The following NLRP1 variants were observed in gnomAD, a reference collection of about 807,000 sequenced individuals.
The protein encoded by NLRP1 is NACHT, LRR and PYD domains-containing protein 1.
NLRP1 carries 94 observed loss-of-function variants against 136.7 expected under a neutral mutation model. That is an observed-to-expected ratio of 0.69 (90% confidence interval 0.58 to 0.82). The LOEUF is 0.82. Ranked by LOEUF, NLRP1 falls within the 40% of genes least tolerant of loss-of-function variation. NLRP1 has a pLI of 0.00. For missense variants in NLRP1, 1,575 were observed against 1,802.7 expected, an observed-to-expected ratio of 0.87 and a Z score of 2.29; for synonymous variants, 690 against 725.1, an observed-to-expected ratio of 0.95 and a Z score of 0.78.
exon 16 of NLRP1, chr17:5,501,787 A>G: frequency 6.2e-7 from 1 of 1,606,898 alleles, no homozygotes; most frequent in African/African-American, 1.3e-5. Context: ...CTCTGGCTTC[A>G]TTGGTACTGC....
Position 5,521,524 on chromosome 17 carries a change from C to T in NLRP1, c.3783G>A (p.Lys1261=). ...CAGCCTTTCTGGCTCTTAGTGTCAC[C>T]TTCCGAATGGAGCAGTCACTTGGGA... The part of the protein sequence containing the change: ...YLIPSDCSIR[K]AIDDLEMKFQ... Residue 1261 remains lysine, a splice_region_variant and synonymous_variant, in exon 13 of 17, where the codon AAG becomes AAA. Coordinates refer to ENST00000572272, the MANE Select transcript of NLRP1 (RefSeq NM_033004.4). 1.2e-6 allele frequency: 2 copies of T among 1,612,306 alleles called. No homozygotes were observed. Among genetic ancestry groups the T allele is most frequent in the Non-Finnish European group, 1.7e-6 (2 of 1,178,944 alleles).
intron 7 of NLRP1, among the ~76,000 whole-genome samples, chr17:5,538,285 G>A (rs1241606431): frequency 6.6e-6 from 1 of 152,146 alleles, no homozygotes; most frequent in African/African-American, 2.4e-5. Context: ...CCTCGGGGAA[G>A]GGCAAGAATC....
chr17:5,533,088 A>C, intron 10 of NLRP1, 104 bp from the exon 11 acceptor site: 1 of 1,434,382 alleles, frequency 7.0e-7, no homozygotes, highest in Non-Finnish European at 9.3e-7. Flanking sequence ...GCCTGCCTGG[A>C]CCATGGCAGG....
intron 15 of NLRP1, chr17:5,502,516 C>A (rs72827616): frequency 0.012 from 1,808 of 153,844 alleles, 15 homozygotes; most frequent in Non-Finnish European, 0.019. Flanking sequence ...TTTTGAACTT[C>A]CTGACCTCAA....
intron 15 of NLRP1, among the ~76,000 whole-genome samples, chr17:5,507,334 T>C (rs1358415499): frequency 6.6e-6 from 1 of 152,156 alleles, no homozygotes. Context: ...TTAAATTAAA[T>C]TAAATTAAAG....
chr17:5,581,289 C>T (rs553586348), intron 3 of NLRP1, among the ~76,000 whole-genome samples: 85 of 152,288 alleles, frequency 5.6e-4, no homozygotes, highest in Non-Finnish European at 1.1e-3. Flanking sequence ...TGGATTGCTG[C>T]GTGAGAGAGA....
At chr17:5,530,384 A>C (rs757358960) in intron 12 of NLRP1, 97 bp downstream of exon 12, 29 of 1,123,718 alleles carry the variant, frequency 2.6e-5, no homozygotes, top group Non-Finnish European at 3.8e-5. Flanking sequence ...CCCTCTAAGG[A>C]AGCCACAACA....
chr17:5,550,749 T>C (rs1461544192), intron 5 of NLRP1, among the ~76,000 whole-genome samples: 1 of 152,178 alleles, frequency 6.6e-6, no homozygotes, highest in Non-Finnish European at 1.5e-5. Flanking sequence ...TTGTTTGCTT[T>C]TTAAAAAAAT....
intron 2 of NLRP1, among the ~76,000 whole-genome samples, 178 bp downstream of exon 2, chr17:5,582,492 G>T (rs1262319801): frequency 1.3e-5 from 2 of 152,148 alleles, no homozygotes; most frequent in Middle Eastern, 3.2e-3. Flanking sequence ...CTCAGCACCG[G>T]AAGGTCCCTG....
Position 5,581,940 on chromosome 17 carries a change from G to A in NLRP1, c.571C>T (p.Gln191Ter). Reference sequence around the variant, plus strand: ...TGCTCTCTGGGTGCTAGGCTGGGCTGAGGTGGGGATCCCCAGCTCCCCAGC... The same window carrying A: ...TGCTCTCTGGGTGCTAGGCTGGGCTAAGGTGGGGATCCCCAGCTCCCCAGC... ...AVLGSWGSPP[Q>*]PSLAPREQEA... The change falls in exon 3 of 17, where the codon CAG becomes TAG. Residue 191 changes from glutamine (Q) to a stop codon, truncating the protein, a stop_gained. Coordinates refer to ENST00000572272, the MANE Select transcript of NLRP1 (RefSeq NM_033004.4). LOFTEE classifies it high-confidence loss of function. 6.2e-7 allele frequency: 1 copy of A among 1,613,938 alleles called. No homozygotes were observed.
At chr17:5,563,849 C>T (rs1223915638) in intron 3 of NLRP1, among the ~76,000 whole-genome samples, 2 of 152,096 alleles carry the variant, frequency 1.3e-5, no homozygotes, top group African/African-American at 4.8e-5. Context: ...TCAGATTCTC[C>T]AAGGCCAACA....
At chr17:5,511,642 C>T (rs1019721680), downstream of NLRP1, among the ~76,000 whole-genome samples, 4 of 152,068 alleles carry the variant, frequency 2.6e-5, no homozygotes, top group East Asian at 1.9e-4. Flanking sequence ...GGATGAGGGA[C>T]GGGGAGGTCT....
chr17:5,524,835 T>A (rs2151746913), intron 12 of NLRP1, among the ~76,000 whole-genome samples: 1 of 152,288 alleles, frequency 6.6e-6, no homozygotes, highest in South Asian at 2.1e-4. Context: ...CCAACTTACC[T>A]TCTTGCTAGG....
intron 12 of NLRP1, among the ~76,000 whole-genome samples, chr17:5,529,512 C>T (rs145727583): frequency 0.019 from 2,819 of 151,948 alleles, 52 homozygotes; most frequent in African/African-American, 0.052. Context: ...GGACTACAGG[C>T]GCCTGCCGCC....
At chr17:5,521,385 T>A in intron 13 of NLRP1, 139 bp downstream of exon 13, 1 of 852,406 alleles carries the variant, frequency 1.2e-6, no homozygotes, top group Non-Finnish European at 1.8e-6. Context: ...GGGGACGAAT[T>A]GTTTGCCCAC....
chr17:5,544,229 A>T (rs1299391823), intron 5 of NLRP1, among the ~76,000 whole-genome samples: 1 of 152,042 alleles, frequency 6.6e-6, no homozygotes, highest in Non-Finnish European at 1.5e-5. Context: ...GGGGGCCTGG[A>T]TCAGGCATGG....
At chr17:5,509,450 A>G (rs76493546), downstream of NLRP1, among the ~76,000 whole-genome samples, 71 of 152,302 alleles carry the variant, frequency 4.7e-4, 1 homozygote, top group African/African-American at 1.6e-3. Context: ...CATGGCCTCT[A>G]TCGGATTCTA....
At position 5,536,939 on chromosome 17, in the gene NLRP1, G is replaced by A; in HGVS notation, c.2872C>T (p.Leu958=). Residue 958 remains leucine, a splice_region_variant and synonymous_variant, in exon 8 of 17, where the codon CTG becomes TTG. Transcript: ENST00000572272. The stretch of plus-strand genomic sequence containing the variant: ...TCATCACTCAGAGTTGTCTGGTCCA[G>A]CCTGAAAGCACAAAGGGAGCCGGGT... ...HPACKLIRLG[L]DQTTLSDEMR... 1 of 1,611,510 alleles carries A rather than the reference G, an allele frequency of 6.2e-7. No homozygotes were observed. Among genetic ancestry groups the A allele is most frequent in the Non-Finnish European group, 8.5e-7 (1 of 1,177,632 alleles).
At chr17:5,513,930 T>C (rs920283399), downstream of NLRP1, among the ~76,000 whole-genome samples, 1 of 152,126 alleles carries the variant, frequency 6.6e-6, no homozygotes, top group Non-Finnish European at 1.5e-5. Flanking sequence ...GCCATGACAG[T>C]TTACGAACGC....
Sources: allele counts gnomAD v4.1 joint callset (sites outside exome capture counted in the v4.1 genomes callset), GRCh38; gene constraint gnomAD v4.1.1; transcripts MANE v1.5; gene names NCBI Gene and HGNC (gene_info 2026-07-23, HGNC 2026-07-21).